TAP2: variants seen among roughly 807,000 people sequenced by gnomAD.
TAP2 encodes antigen peptide transporter 2.
TAP2 carries 49 observed loss-of-function variants against 74.7 expected under a neutral mutation model. The observed-to-expected ratio is 0.66, with a 90% confidence interval of 0.52 to 0.83. The LOEUF is 0.83. Ranked by LOEUF, TAP2 falls within the 40% of genes least tolerant of loss-of-function variation. TAP2 has a pLI of 0.00. For synonymous variants in TAP2, 306 were observed against 368.4 expected, an observed-to-expected ratio of 0.83 and a Z score of 1.94; for missense variants, 739 against 859.0, an observed-to-expected ratio of 0.86 and a Z score of 1.75.
intron 7 of TAP2, among the ~76,000 whole-genome samples, chr6:32,831,908 C>G (rs149231735): frequency 0.011 from 1,623 of 152,294 alleles, 28 homozygotes; most frequent in African/African-American, 0.03. Context: ...GGAAATTTGA[C>G]AATTGACTAT....
At chr6:32,831,761 T>C (rs537219770) in intron 7 of TAP2, among the ~76,000 whole-genome samples, 2 of 152,174 alleles carry the variant, frequency 1.3e-5, no homozygotes, top group South Asian at 2.1e-4. Context: ...GATGGATAGA[T>C]GGATGGATAG....
At chr6:32,831,110 C>T (rs1257079714) in intron 7 of TAP2, among the ~76,000 whole-genome samples, 5 of 152,156 alleles carry the variant, frequency 3.3e-5, no homozygotes, top group East Asian at 1.9e-4. Context: ...CTTGATTAGA[C>T]GGGGAGCTCC....
At position 32,826,679 on chromosome 6, in the gene TAP2, G is replaced by A; in HGVS notation, c.*2227C>T. 3 of 985,384 alleles carry A rather than the reference G, an allele frequency of 3.0e-6. No homozygotes were observed. In the South Asian group the frequency reaches 1.4e-4, roughly 46 times the overall value. 61.0% of individuals were successfully genotyped at this position (985,384 alleles called of 1,614,324 possible). A position where few individuals can be genotyped will look rare whatever the true frequency, so the allele number is the denominator to read the frequency against. ...TGCATCTTCCTGTACTGCCCATCAA[G>A]ATAAGTTTTCCACCCAGCTTTATCA... is the stretch of plus-strand genomic sequence containing the variant. On this transcript the variant is annotated 3_prime_UTR_variant, in exon 12 of 12. Transcript: ENST00000374897.
intron 7 of TAP2, 118 bp from the exon 8 acceptor site, chr6:32,830,924 G>C (rs1769037812): frequency 3.2e-6 from 3 of 939,306 alleles, no homozygotes; most frequent in Non-Finnish European, 5.0e-6. Flanking sequence ...ACTCAAAAGA[G>C]ATTCTCCACT....
chr6:32,827,024 G>C lies in TAP2; in HGVS notation c.*1882C>G. 1.0e-6 allele frequency: 1 copy of C among 985,484 alleles called. No individual in the cohort carries two copies. Among genetic ancestry groups the C allele is most frequent in the Non-Finnish European group, 1.2e-6 (1 of 829,928 alleles). 61.0% of individuals were successfully genotyped at this position (985,484 alleles called of 1,614,324 possible). A position where few individuals can be genotyped will look rare whatever the true frequency, so the allele number is the denominator to read the frequency against. On this transcript the variant is annotated 3_prime_UTR_variant, in exon 12 of 12. Coordinates refer to ENST00000374897, the MANE Select transcript of TAP2 (RefSeq NM_001290043.2). ...GAGATGGATGGGTGTGGAGCTGCAA[G>C]TCAGCCCCAGGATGAAAGAAAGGCA...
At chr6:32,830,580 G>A (rs750774284) in intron 8 of TAP2, 38 bp downstream of exon 8, 1 of 1,612,364 alleles carries the variant, frequency 6.2e-7, no homozygotes, top group Admixed American at 1.7e-5. Context: ...ATTAGCAGCA[G>A]AGAGCAAGGG....
In TAP2 at chr6:32,835,084, C is replaced by T; in HGVS notation, c.945+70G>A. The T allele has an allele frequency of 6.5e-7, 1 of 1,531,050 alleles. No homozygotes were observed. The highest frequency in any genetic ancestry group is 1.1e-5 in the South Asian group (1 of 87,754). The allele number at this position is 1,531,050 out of a possible 1,614,324, so 94.8% of individuals were successfully genotyped here. A position where few individuals can be genotyped will look rare whatever the true frequency, so the allele number is the denominator to read the frequency against. ...ATCTCTCTCTAGGGGATCCTCTAGC[C>T]ACAAATGTGGAAGCCTCCTCACCTG... On this transcript the variant is annotated intron_variant, in intron 5 of 11. Transcript: ENST00000374897. The surrounding 1 kb of genome is among the most constrained non-coding windows in gnomAD (Gnocchi z 4.0).
Position 32,828,657 on chromosome 6 carries a change from G to A in TAP2, c.*249C>T. The A allele has an allele frequency of 8.2e-7, 1 of 1,218,552 alleles. No homozygotes were observed. Among genetic ancestry groups the A allele is most frequent in the Non-Finnish European group, 1.0e-6 (1 of 973,800 alleles). 75.5% of individuals were successfully genotyped at this position (1,218,552 alleles called of 1,614,324 possible). A position where few individuals can be genotyped will look rare whatever the true frequency, so the allele number is the denominator to read the frequency against. Reference sequence around the variant, plus strand: ...AAAGCTCTAGTCACCAGGGAATTAAGTTTCCTGGACACAGACAGCCCCCAC... The same window carrying A: ...AAAGCTCTAGTCACCAGGGAATTAAATTTCCTGGACACAGACAGCCCCCAC... On this transcript the variant is annotated 3_prime_UTR_variant, in exon 12 of 12. Coordinates refer to ENST00000374897, the MANE Select transcript of TAP2 (RefSeq NM_001290043.2).
chr6:32,822,168 C>T (rs1768321793), downstream of TAP2: 2 of 833,410 alleles, frequency 2.4e-6, no homozygotes, highest in East Asian at 2.7e-5. Context: ...TACTATTTGC[C>T]TCAATTTCCC....
At chr6:32,836,127 G>A (rs9500919) in intron 3 of TAP2, among the ~76,000 whole-genome samples, 58 of 152,148 alleles carry the variant, frequency 3.8e-4, no homozygotes, top group African/African-American at 1.1e-3. Flanking sequence ...CTGTCCCAGC[G>A]TCCCTCAGGC....
chr6:32,835,923 C>A lies in TAP2; in HGVS notation c.609-150G>T. The A allele has an allele frequency of 1.1e-6, 1 of 935,920 alleles. No homozygotes were observed. The highest frequency in any genetic ancestry group is 1.6e-6 in the Non-Finnish European group (1 of 607,458). 58.0% of individuals were successfully genotyped at this position (935,920 alleles called of 1,614,324 possible). A position where few individuals can be genotyped will look rare whatever the true frequency, so the allele number is the denominator to read the frequency against. Reference sequence around the variant, plus strand: ...AAAAGAGAAAGAAATGAGAGACAGACACACAGAGAGAGAAGAGGTAAGGAA... The same window carrying A: ...AAAAGAGAAAGAAATGAGAGACAGAAACACAGAGAGAGAAGAGGTAAGGAA... On this transcript the variant is annotated intron_variant, in intron 3 of 11. Coordinates refer to ENST00000374897, the MANE Select transcript of TAP2 (RefSeq NM_001290043.2). The surrounding 1 kb of genome is among the most constrained non-coding windows in gnomAD (Gnocchi z 4.0).
chr6:32,832,448 C>T lies in TAP2; in HGVS notation c.1157G>A (p.Gly386Glu). The T allele has an allele frequency of 6.2e-7, 1 of 1,612,628 alleles. No homozygotes were observed. Among genetic ancestry groups the T allele is most frequent in the Non-Finnish European group, 8.5e-7 (1 of 1,179,860 alleles). Reference protein sequence around the residue: ...YLLVRRVLHLGVQMLMLSCGL... With the variant: ...YLLVRRVLHLEVQMLMLSCGL... ...ACAGCTCAGCATCAGCATCTGCACC[C>T]CCAAGTGCAGCACCTGGAAGAGGAG... The change falls in exon 7 of 12, where the codon GGG becomes GAG. Residue 386 changes from glycine (G) to glutamate (E), a missense_variant. By Grantham distance (98) the Gly-to-Glu change is moderately conservative. Transcript: ENST00000374897. This position sits in a 1 kb window ranked among gnomAD's most constrained non-coding sequence, Gnocchi z 5.9.
Position 32,828,681 on chromosome 6 carries a change from A to ACCCCCCCCCCCCCCCCCC in TAP2, c.*224_*225insGGGGGGGGGGGGGGGGGG. On this transcript the variant is annotated 3_prime_UTR_variant, in exon 12 of 12. Coordinates refer to ENST00000374897, the MANE Select transcript of TAP2 (RefSeq NM_001290043.2). ...AGTTTCCTGGACACAGACAGCCCCC[A>ACCCCCCCCCCCCCCCCCC]CCCCACCCCACCCCACCTCTCTACC... is the stretch of plus-strand genomic sequence containing the variant. 3.3e-6 allele frequency: 2 copies of ACCCCCCCCCCCCCCCCCC among 606,174 alleles called. No homozygotes were observed. The highest frequency in any genetic ancestry group is 6.1e-5 in the South Asian group (1 of 16,484). 37.5% of individuals were successfully genotyped at this position (606,174 alleles called of 1,614,324 possible). A position where few individuals can be genotyped will look rare whatever the true frequency, so the allele number is the denominator to read the frequency against.
intron 3 of TAP2, among the ~76,000 whole-genome samples, chr6:32,836,107 GTGCT>G (rs746567620): frequency 6.6e-6 from 1 of 152,226 alleles, no homozygotes; most frequent in Non-Finnish European, 1.5e-5. Flanking sequence ...AAGTATCCCA[GTGCT>G]TGCTTCTGTC....
At chr6:32,830,133 A>C in intron 9 of TAP2, 44 bp from the exon 10 acceptor site, 1 of 1,612,822 alleles carries the variant, frequency 6.2e-7, no homozygotes, top group Non-Finnish European at 8.5e-7. Flanking sequence ...GTAAACCCCC[A>C]AGGCAGGGGC....
Position 32,829,634 on chromosome 6 carries a change from G to T in TAP2, c.1796-98C>A. The T allele has an allele frequency of 1.9e-6, 3 of 1,568,256 alleles. No individual in the cohort carries two copies. The South Asian group carries it at 3.4e-5, about 18-fold the overall frequency. The stretch of plus-strand genomic sequence containing the variant: ...CAGCAGGTACTTCCAGTAGGACCTC[G>T]GGAGGTGGGAGGGCCCAGTGCGGGG... On this transcript the variant is annotated intron_variant, in intron 10 of 11. Transcript: ENST00000374897.
At position 32,838,135 on chromosome 6, in the gene TAP2, T is replaced by C; in HGVS notation, c.99A>G (p.Gln33=). The change falls in exon 2 of 12, where the codon CAA becomes CAG. Residue 33 remains glutamine, a synonymous_variant. Transcript: ENST00000374897. ...LQGPLGTLLP[Q]GLPGLWLEGT... ...CCTCCAGCCATAGTCCTGGCAGCCC[T>C]TGAGGAAGCAAAGTCCCCAGAGGGC... 2 of 1,608,120 alleles carry C rather than the reference T, an allele frequency of 1.2e-6. No homozygotes were observed. The highest frequency in any genetic ancestry group is 2.2e-5 in the South Asian group (2 of 90,804).
downstream of TAP2, chr6:32,822,436 T>C (rs965149672): frequency 2.3e-5 from 16 of 689,064 alleles, 1 homozygote; most frequent in African/African-American, 2.0e-4. Context: ...AGTAAATTCA[T>C]CTACAATTTT....
In TAP2 at chr6:32,835,144, G is replaced by A. The variant is rs1212952501; in HGVS notation, c.945+10C>T. 5 of 1,611,848 alleles carry A rather than the reference G, an allele frequency of 3.1e-6. No homozygotes were observed. Among genetic ancestry groups the A allele is most frequent in the Middle Eastern group, 1.9e-4 (1 of 5,348 alleles). ...TTCTCCCTTTGGGGTTCCCTTACAT[G>A]CACGCTCACCTGATGGCGGGTGTTG... is the stretch of plus-strand genomic sequence containing the variant. On this transcript the variant is annotated intron_variant, in intron 5 of 11. Coordinates refer to ENST00000374897, the MANE Select transcript of TAP2 (RefSeq NM_001290043.2). The surrounding 1 kb of genome is among the most constrained non-coding windows in gnomAD (Gnocchi z 4.0).
Sources: gnomAD v4.1 joint callset for allele counts (sites outside exome capture counted in the v4.1 genomes callset) on GRCh38, gnomAD v4.1.1 for gene constraint, Gnocchi (gnomAD v3.1) non-coding constraint, MANE v1.5 for transcripts, NCBI Gene and HGNC (gene_info 2026-07-23, HGNC 2026-07-21) for gene names.